CTNND2: variants seen among roughly 807,000 people sequenced by gnomAD.
The protein encoded by CTNND2 is catenin delta-2.
CTNND2 carries 22 observed loss-of-function variants against 144.4 expected under a neutral mutation model. The observed-to-expected ratio is 0.15, with a 90% CI of 0.11 to 0.22. CTNND2 has a LOEUF of 0.22. Ranked by LOEUF, CTNND2 falls within the 10% of genes least tolerant of loss-of-function variation. The pLI, the probability that CTNND2 is intolerant of heterozygous loss-of-function variation, is 1.00. For missense variants in CTNND2, 1,353 were observed against 1,618.8 expected (o/e 0.84, Z 2.82); for synonymous variants, 751 against 695.6 (o/e 1.08, Z -1.25).
chr5:11,305,962 C>A (rs1330440034), intron 9 of CTNND2, among the ~76,000 whole-genome samples: 1 of 152,180 alleles, frequency 6.6e-6, no homozygotes, highest in Non-Finnish European at 1.5e-5. Context: ...TTACCATATG[C>A]AAGAGAAACA....
chr5:11,351,567 C>A (rs1006690051), intron 8 of CTNND2, among the ~76,000 whole-genome samples: 1 of 152,094 alleles, frequency 6.6e-6, no homozygotes, highest in African/African-American at 2.4e-5. Context: ...GAAGAGGCAT[C>A]CTTTTTAATA....
intron 9 of CTNND2, among the ~76,000 whole-genome samples, chr5:11,335,097 C>A (rs1007674679): frequency 1.3e-5 from 2 of 152,190 alleles, no homozygotes; most frequent in African/African-American, 4.8e-5. Flanking sequence ...TGCTAAAGCA[C>A]ACTTGGTTCA....
At chr5:11,690,672 C>T (rs986101741) in intron 2 of CTNND2, among the ~76,000 whole-genome samples, 2 of 134,314 alleles carry the variant, frequency 1.5e-5, no homozygotes, top group African/African-American at 5.5e-5. Flanking sequence ...GGAAGTGGAG[C>T]TTGCAGTGAG....
chr5:11,812,763 G>A lies in CTNND2; in HGVS notation c.38-80491C>T, dbSNP rs115627151. Among the ~76,000 whole-genome samples the A allele has an allele frequency of 6.4e-3, 981 of 152,208 alleles. 18 individuals are homozygous for A. Among genetic ancestry groups the A allele is most frequent in the African/African-American group, 0.022 (930 of 41,520 alleles). On this transcript the variant is annotated intron_variant, in intron 1 of 21. Transcript: ENST00000304623. ...TAGCCTTTGTTTTCTGATAAGGGAAGACAGCCTACAATCAAGCTGACTCTT... is the reference window on the plus strand; with the variant it reads ...TAGCCTTTGTTTTCTGATAAGGGAAAACAGCCTACAATCAAGCTGACTCTT...
chr5:11,272,408 G>T (rs1227100505), intron 9 of CTNND2, among the ~76,000 whole-genome samples: 1 of 152,110 alleles, frequency 6.6e-6, no homozygotes, highest in Non-Finnish European at 1.5e-5. Flanking sequence ...AAAGATAAAT[G>T]TTTCTAAATC....
intron 1 of CTNND2, among the ~76,000 whole-genome samples, chr5:11,742,887 C>T (rs991433506): frequency 6.6e-6 from 1 of 152,144 alleles, no homozygotes; most frequent in African/African-American, 2.4e-5. Context: ...CAGTATTGAG[C>T]ACCTCATTTG....
At chr5:11,248,410 A>G in intron 9 of CTNND2, among the ~76,000 whole-genome samples, 1 of 152,000 alleles carries the variant, frequency 6.6e-6, no homozygotes, top group East Asian at 1.9e-4. Flanking sequence ...TATAATATAT[A>G]GTGTGTAGAT....
chr5:11,411,953 T>C lies in CTNND2; in HGVS notation c.322+82A>G, dbSNP rs948192274. On this transcript the variant is annotated intron_variant, in intron 4 of 21. Coordinates refer to ENST00000304623, the MANE Select transcript of CTNND2 (RefSeq NM_001332.4). The stretch of plus-strand genomic sequence containing the variant: ...GATGTTTTCCTATTACTTTTCTAAG[T>C]CTCATTCTAAAGTTCATAAGAAAAG... The C allele has an allele frequency of 9.1e-6, 10 of 1,101,896 alleles. No homozygotes were observed. The African/African-American group carries it at 1.4e-4, about 16-fold the overall frequency. 68.3% of individuals were successfully genotyped at this position (1,101,896 alleles called of 1,614,324 possible). A position where few individuals can be genotyped will look rare whatever the true frequency, so the allele number is the denominator to read the frequency against.
intron 12 of CTNND2, among the ~76,000 whole-genome samples, chr5:11,156,211 T>G (rs1758207685): frequency 6.6e-6 from 1 of 152,228 alleles, no homozygotes; most frequent in South Asian, 2.1e-4. Context: ...GACTTAAATT[T>G]ATCTCTAATA....
intron 7 of CTNND2, among the ~76,000 whole-genome samples, chr5:11,380,341 G>A (rs1758353243): frequency 6.6e-6 from 1 of 152,162 alleles, no homozygotes; most frequent in Non-Finnish European, 1.5e-5. Context: ...AGTGTGGTAG[G>A]TATTACTAAA....
chr5:11,525,612 CAAGT>C (rs1477713492), intron 3 of CTNND2, among the ~76,000 whole-genome samples: 1 of 152,222 alleles, frequency 6.6e-6, no homozygotes, highest in Non-Finnish European at 1.5e-5. Flanking sequence ...TCCAACACCA[CAAGT>C]AAGTTCAGCA....
chr5:11,651,999 G>C (rs985033950), intron 2 of CTNND2, among the ~76,000 whole-genome samples: 76 of 152,284 alleles, frequency 5.0e-4, no homozygotes, highest in Middle Eastern at 3.4e-3. Context: ...GGGGACTGTT[G>C]AGAAGGGATG....
rs1222083717 is a variant in CTNND2, at chr5:11,904,265, C to T, written c.-412G>A. Among the ~76,000 whole-genome samples, 6 of 145,890 alleles carry T rather than the reference C, an allele frequency of 4.1e-5. No individual in the cohort carries two copies. The highest frequency in any genetic ancestry group is 7.6e-5 in the Non-Finnish European group (5 of 65,692). ...CCGCCGCGGCGCCCGGCGCCGAGCG[C>T]TCCCGAGCTGCGCCCCGCGCGCGGC... On this transcript the variant is annotated 5_prime_UTR_variant, in exon 1 of 22. Transcript: ENST00000304623. This position sits in a 1 kb window ranked among gnomAD's most constrained non-coding sequence, Gnocchi z 4.2.
chr5:10,992,509 C>T (rs370287740), intron 19 of CTNND2, 42 bp downstream of exon 19: 27 of 1,612,394 alleles, frequency 1.7e-5, no homozygotes, highest in African/African-American at 4.0e-5. Flanking sequence ...CTTTGCTCAA[C>T]GAGAAATAAA....
rs72729290 is a variant in CTNND2 at position 11,091,998 on chromosome 5, G to A, written c.2637+6577C>T. On this transcript the variant is annotated intron_variant, in intron 15 of 21. Coordinates refer to ENST00000304623, the MANE Select transcript of CTNND2 (RefSeq NM_001332.4). Reference sequence around the variant, plus strand: ...AACTCTGATCACTTTGATATCTCCCGATTCCCCGATCCATCTCCTGAACAC... The same window carrying A: ...AACTCTGATCACTTTGATATCTCCCAATTCCCCGATCCATCTCCTGAACAC... Among the ~76,000 whole-genome samples, 356 of 151,974 alleles carry A rather than the reference G, an allele frequency of 2.3e-3. 2 individuals carry two copies. Among genetic ancestry groups the A allele is most frequent in the Non-Finnish European group, 3.0e-3 (201 of 67,978 alleles).
chr5:11,467,465 A>G (rs906061710), intron 3 of CTNND2, among the ~76,000 whole-genome samples: 1 of 152,158 alleles, frequency 6.6e-6, no homozygotes, highest in African/African-American at 2.4e-5. Flanking sequence ...TTATACTCCA[A>G]GTGCCTGTTG....
At chr5:11,624,719 T>C (rs1323567566) in intron 2 of CTNND2, among the ~76,000 whole-genome samples, 1 of 152,100 alleles carries the variant, frequency 6.6e-6, no homozygotes, top group African/African-American at 2.4e-5. Context: ...TAAAACAAAA[T>C]GATTCTGCTC....
In CTNND2 at chr5:11,110,996, C is replaced by T. The variant is rs762953457; in HGVS notation, c.2325G>A (p.Leu775=). Residue 775 remains leucine (L), a synonymous_variant, in exon 14 of 22, where the codon CTG becomes CTA. Transcript: ENST00000304623. Reference sequence around the variant, plus strand: ...GCTGTCCCTGAGACGTTTCTGCCGCCAGCCGGTACGAGAGGTTCCTTAAAA... The same window carrying T: ...GCTGTCCCTGAGACGTTTCTGCCGCTAGCCGGTACGAGAGGTTCCTTAAAA... ...VCILRNLSYR[L]AAETSQGQHM... 1.2e-6 allele frequency: 2 copies of T among 1,614,166 alleles called. No individual in the cohort carries two copies. Among genetic ancestry groups the T allele is most frequent in the South Asian group, 1.1e-5 (1 of 91,080 alleles).
chr5:11,896,979 C>T (rs1737443973), intron 1 of CTNND2, among the ~76,000 whole-genome samples: 1 of 152,130 alleles, frequency 6.6e-6, no homozygotes, highest in African/African-American at 2.4e-5. Context: ...ATGCTACAAG[C>T]CCCAGCCTTC....
Sources: gnomAD v4.1 joint callset for allele counts (sites outside exome capture counted in the v4.1 genomes callset) on GRCh38, gnomAD v4.1.1 for gene constraint, Gnocchi (gnomAD v3.1) non-coding constraint, MANE v1.5 for transcripts, NCBI Gene and HGNC (gene_info 2026-07-23, HGNC 2026-07-21) for gene names.